FRMPD4: variants seen among roughly 807,000 people sequenced by gnomAD.
FRMPD4 encodes the protein FERM and PDZ domain containing 4.
FRMPD4 carries 22 observed loss-of-function variants against 94.1 expected under a neutral mutation model. The observed-to-expected ratio is 0.23, with a 90% confidence interval of 0.17 to 0.33. The LOEUF (loss-of-function observed/expected upper bound fraction) is 0.33, where lower values mean the gene tolerates loss of function less well. Among genes scored for constraint, FRMPD4 ranks in the 10% least tolerant of loss-of-function variants. The probability of loss-of-function intolerance (pLI) is 1.00; values close to 1 mark genes in which losing one functional copy is unlikely to be tolerated. For missense variants in FRMPD4, 1,111 were observed against 1,339.9 expected (o/e 0.83, Z 2.67); for synonymous variants, 631 against 548.6 (o/e 1.15, Z -2.10).
chrX:11,868,536 C>A (rs1193645123), intron 2 of FRMPD4, among the ~76,000 whole-genome samples: 4 of 102,529 alleles, frequency 3.9e-5, no homozygotes, highest in Non-Finnish European at 8.0e-5. Context: ...TGATTTCCAA[C>A]TGGAGATGTA....
chrX:12,063,876 CTG>C (rs1286592041), intron 3 of FRMPD4, among the ~76,000 whole-genome samples: 1 of 112,667 alleles, frequency 8.9e-6, no homozygotes, highest in Admixed American at 9.4e-5. Context: ...TCATAGAAAA[CTG>C]TTTATTTCAT....
intron 1 of FRMPD4, among the ~76,000 whole-genome samples, chrX:12,475,076 A>G (rs1204680783): frequency 8.9e-6 from 1 of 111,975 alleles, no homozygotes; most frequent in Non-Finnish European, 1.9e-5. Context: ...AAATACTGGC[A>G]AACTGACTCC....
intron 2 of FRMPD4, among the ~76,000 whole-genome samples, chrX:12,528,837 G>A (rs775336038): frequency 1.1e-4 from 12 of 112,328 alleles, no homozygotes; most frequent in Non-Finnish European, 2.1e-4. Flanking sequence ...AGTGTTAGGA[G>A]TCATTAAATA....
chrX:12,701,780 G>A (rs1181835649), intron 9 of FRMPD4, 94 bp from the exon 10 acceptor site: 1 of 947,902 alleles, frequency 1.1e-6, no homozygotes, highest in African/African-American at 1.9e-5. Flanking sequence ...AGTGAAGGTT[G>A]AATCACTCGG....
chrX:12,347,879 A>G (rs1003370707), intron 1 of FRMPD4, among the ~76,000 whole-genome samples: 2 of 111,736 alleles, frequency 1.8e-5, no homozygotes, highest in African/African-American at 3.3e-5. Context: ...ATACATACAG[A>G]TATTTTATAT....
chrX:11,947,334 T>A (rs2054194418), intron 3 of FRMPD4, among the ~76,000 whole-genome samples: 2 of 112,419 alleles, frequency 1.8e-5, no homozygotes, highest in Admixed American at 1.9e-4. Flanking sequence ...ACTGTGTCAT[T>A]ACTGTGAGTA....
chrX:12,658,132 G>A (rs1324291236), intron 4 of FRMPD4, among the ~76,000 whole-genome samples: 1 of 111,834 alleles, frequency 8.9e-6, no homozygotes, highest in Non-Finnish European at 1.9e-5. Context: ...GTCAAATTCA[G>A]TCAGAGCAGG....
rs2147140188 is a variant in FRMPD4, at chrX:12,701,979, C to G, written c.1039C>G (p.Gln347Glu). ...GTACATTGCAACCGTTACCACCAAG[C>G]AAACGCAGAAAATCTCCCTCAAATA... ...QMYIATVTTKQTQKISLKYIE... is the reference protein window; with the variant it reads ...QMYIATVTTKETQKISLKYIE... Residue 347 changes from glutamine to glutamate, a missense_variant, in exon 10 of 17, where the codon CAA (glutamine) becomes GAA (glutamate). Around this residue, in one of 8 missense-constraint regions of FRMPD4, gnomAD observed 111 missense variants for 160.7 expected, o/e 0.69. Transcript: ENST00000675598. The G allele has an allele frequency of 1.7e-6, 2 of 1,210,979 alleles. No individual in the cohort carries two copies. Among genetic ancestry groups the G allele is most frequent in the Non-Finnish European group, 2.2e-6 (2 of 894,196 alleles).
chrX:12,553,493 A>C, intron 2 of FRMPD4, among the ~76,000 whole-genome samples: 1 of 92,965 alleles, frequency 1.1e-5, no homozygotes, highest in Non-Finnish European at 2.1e-5. Flanking sequence ...ATTTGCAACA[A>C]CATACTTCAT....
chrX:12,008,413 C>T (rs183291776), intron 3 of FRMPD4, among the ~76,000 whole-genome samples: 1 of 112,168 alleles, frequency 8.9e-6, no homozygotes, highest in East Asian at 2.8e-4. Flanking sequence ...GTTCACAATA[C>T]ACTTTTTGTC....
chrX:12,602,377 G>T (rs1256009572), intron 2 of FRMPD4, among the ~76,000 whole-genome samples: 2 of 111,165 alleles, frequency 1.8e-5, no homozygotes, highest in Admixed American at 1.9e-4. Flanking sequence ...TCCAGTCAGG[G>T]ATGTGGGAAG....
intron 1 of FRMPD4, among the ~76,000 whole-genome samples, chrX:12,410,761 T>C (rs956509989): frequency 9.0e-6 from 1 of 111,731 alleles, no homozygotes; most frequent in Non-Finnish European, 1.9e-5. Flanking sequence ...TATTAAAGTA[T>C]AAGTAGTTGC....
At position 12,606,698 on chromosome X, in the gene FRMPD4, G is replaced by A. The variant is rs1455888860; in HGVS notation, c.159-3023G>A. Among the ~76,000 whole-genome samples the A allele has an allele frequency of 3.6e-5, 4 of 111,400 alleles. No homozygotes were observed. In the Admixed American group the frequency reaches 3.8e-4, roughly 11 times the overall value. ...TTTTATGTCTGCTGTGGAAAATGGT[G>A]AAAACTCAGAATTCAGGGCCAGGTT... On this transcript the variant is annotated intron_variant, in intron 2 of 16. Coordinates refer to ENST00000675598, the MANE Select transcript of FRMPD4 (RefSeq NM_001368397.1).
intron 1 of FRMPD4, among the ~76,000 whole-genome samples, chrX:12,286,589 A>C (rs1400233303): frequency 1.8e-5 from 2 of 112,284 alleles, no homozygotes; most frequent in African/African-American, 6.5e-5. Flanking sequence ...TATGCACAAG[A>C]ACCCCTCTGC....
At chrX:12,218,631 G>A (rs1394993424) in intron 1 of FRMPD4, among the ~76,000 whole-genome samples, 2 of 112,133 alleles carry the variant, frequency 1.8e-5, no homozygotes, top group Non-Finnish European at 3.8e-5. Context: ...TCTAAAAATA[G>A]CAAAATAGTA....
At chrX:12,389,901 C>T (rs1413768151) in intron 1 of FRMPD4, among the ~76,000 whole-genome samples, 1 of 111,699 alleles carries the variant, frequency 9.0e-6, no homozygotes, top group Non-Finnish European at 1.9e-5. Context: ...AATACTTTGT[C>T]TTTTGATGTT....
chrX:12,417,618 CTTTATTATCAG>C (rs1252718944), intron 1 of FRMPD4, among the ~76,000 whole-genome samples: 1 of 106,461 alleles, frequency 9.4e-6, no homozygotes, highest in African/African-American at 3.4e-5. Context: ...AATTTGATAA[CTTTATTATCAG>C]TTTTTTTTAT....
Position 12,721,638 on chromosome X carries a change from G to A in FRMPD4, c.5069G>A (p.Arg1690Gln), listed in dbSNP as rs1317000924. 4.0e-6 allele frequency: 3 copies of A among 752,333 alleles called. No individual in the cohort carries two copies. The highest frequency in any genetic ancestry group is 4.7e-6 in the Non-Finnish European group (3 of 637,197). The allele number at this position is 752,333 out of a possible 1,213,427, so 62.0% of individuals were successfully genotyped here. A position where few individuals can be genotyped will look rare whatever the true frequency, so the allele number is the denominator to read the frequency against. ...VLCCLTEACM[R>Q]LVKVVNSETQ... ...TGTTGCCTAACAGAAGCTTGCATGC[G>A]ATTAGTTAAAGTCGTGAACTCAGAA... is the stretch of plus-strand genomic sequence containing the variant. Residue 1690 changes from arginine (R) to glutamine (Q), a missense_variant, in exon 17 of 17, where the codon CGA (arginine) becomes CAA (glutamine). Around this residue, in one of 8 missense-constraint regions of FRMPD4, gnomAD observed 551 missense variants for 591.6 expected, o/e 0.93. Coordinates refer to ENST00000675598, the MANE Select transcript of FRMPD4 (RefSeq NM_001368397.1).
At chrX:12,538,370 C>G (rs2058365072) in intron 2 of FRMPD4, among the ~76,000 whole-genome samples, 1 of 110,429 alleles carries the variant, frequency 9.1e-6, no homozygotes, top group African/African-American at 3.3e-5. Context: ...TCAAGGAGGC[C>G]TGCCTGCCTG....
Sources: gnomAD v4.1 joint callset for allele counts (sites outside exome capture counted in the v4.1 genomes callset) on GRCh38, gnomAD v4.1.1 for gene constraint, gnomAD v4.1.1 regional missense constraint, MANE v1.5 for transcripts, NCBI Gene and HGNC (gene_info 2026-07-23, HGNC 2026-07-21) for gene names.